The following SRGAP3 variants were observed in gnomAD, a reference collection of about 807,000 sequenced individuals.
SRGAP3 encodes the protein SLIT-ROBO Rho GTPase activating protein 3.
A neutral mutation model predicts 121.1 loss-of-function variants in SRGAP3; 39 were observed. That is an observed-to-expected ratio of 0.32 (90% confidence interval 0.25 to 0.42). SRGAP3 has a LOEUF of 0.42. SRGAP3 is among the 10% of genes least tolerant of loss of function. The pLI, the probability that SRGAP3 is intolerant of heterozygous loss-of-function variation, is 1.00. For missense variants in SRGAP3, 1,213 were observed against 1,470.6 expected (o/e 0.82, Z 2.86); for synonymous variants, 601 against 570.0 (o/e 1.05, Z -0.77).
At chr3:9,320,455 A>ATCTGGCTG (rs1389112619) in intron 3 of SRGAP3, among the ~76,000 whole-genome samples, 1 of 151,600 alleles carries the variant, frequency 6.6e-6, no homozygotes, top group Non-Finnish European at 1.5e-5. Context: ...TTATTCTGAG[A>ATCTGGCTG]TCTGGCTGTT....
intron 1 of SRGAP3, among the ~76,000 whole-genome samples, chr3:9,201,788 T>A (rs1165340341): frequency 6.6e-6 from 1 of 152,190 alleles, no homozygotes; most frequent in Non-Finnish European, 1.5e-5. Flanking sequence ...GGGATGTAAT[T>A]CTTAAGTTGC....
chr3:9,321,527 A>C (rs1254034844), intron 3 of SRGAP3, among the ~76,000 whole-genome samples: 2 of 151,912 alleles, frequency 1.3e-5, no homozygotes, highest in Non-Finnish European at 2.9e-5. Flanking sequence ...AATTCAGTTA[A>C]TGATGTCTGC....
At position 9,224,903 on chromosome 3, in the gene SRGAP3, C is replaced by G. The variant is rs140667389; in HGVS notation, c.67+23982G>C. ...CAATTTCAGCCTGAGAACCAAAAAG[C>G]AGAGAGACAGAGTCAAACAGCGTGG... is the stretch of plus-strand genomic sequence containing the variant. On this transcript the variant is annotated intron_variant, in intron 1 of 21. Transcript: ENST00000383836. Among the ~76,000 whole-genome samples, 17 of 152,274 alleles carry G rather than the reference C, an allele frequency of 1.1e-4. No homozygotes were observed. The South Asian group carries it at 2.9e-3, about 26-fold the overall frequency.
intron 1 of SRGAP3, among the ~76,000 whole-genome samples, chr3:9,134,860 G>A (rs755243706): frequency 2.4e-4 from 37 of 152,164 alleles, no homozygotes; most frequent in Non-Finnish European, 4.3e-4. Context: ...ACAATGTAGC[G>A]GGCTCTGGGT....
At chr3:9,228,667 C>G (rs975073805) in intron 1 of SRGAP3, among the ~76,000 whole-genome samples, 1 of 152,122 alleles carries the variant, frequency 6.6e-6, no homozygotes, top group African/African-American at 2.4e-5. Context: ...ACAGCCACAT[C>G]CTAAGTTGAT....
At position 9,350,859 on chromosome 3, in the gene SRGAP3, A is replaced by G. The variant is rs531416905; in HGVS notation, n.214+11981T>C. Reference sequence around the variant, plus strand: ...AATAGATACCATTAACTGAGAACTTATTATTTGCTACATAACAAACTACCC... The same window carrying G: ...AATAGATACCATTAACTGAGAACTTGTTATTTGCTACATAACAAACTACCC... On this transcript the variant is annotated intron_variant and non_coding_transcript_variant, in intron 1 of 3. Transcript: ENST00000490889. Among the ~76,000 whole-genome samples the G allele has an allele frequency of 7.9e-5, 12 of 152,300 alleles. No individual in the cohort carries two copies. In the South Asian group the frequency reaches 2.3e-3, roughly 29 times the overall value.
At chr3:9,354,898 T>C (rs1382654708) in intron 1 of SRGAP3, among the ~76,000 whole-genome samples, 1 of 152,198 alleles carries the variant, frequency 6.6e-6, no homozygotes, top group Non-Finnish European at 1.5e-5. Flanking sequence ...AATTTCTACA[T>C]GTAATGTTAC....
intron 1 of SRGAP3, among the ~76,000 whole-genome samples, chr3:9,128,646 A>C (rs892980948): frequency 2.0e-5 from 3 of 152,254 alleles, no homozygotes; most frequent in Non-Finnish European, 4.4e-5. Context: ...AATATATACA[A>C]GAATACTTTT....
intron 3 of SRGAP3, among the ~76,000 whole-genome samples, chr3:9,287,539 G>A (rs114932248): frequency 6.6e-6 from 1 of 152,134 alleles, no homozygotes; most frequent in Non-Finnish European, 1.5e-5. Context: ...TCACTTAGAA[G>A]TGGGAGCTAA....
At chr3:9,029,187 T>C (rs554394556) in intron 12 of SRGAP3, among the ~76,000 whole-genome samples, 31 of 152,186 alleles carry the variant, frequency 2.0e-4, no homozygotes, top group Admixed American at 7.2e-4. Flanking sequence ...CTAATAATCA[T>C]AGGTAATACA....
chr3:8,980,928 G>T lies in SRGAP3; in HGVS notation c.*4591C>A, dbSNP rs1012351090. On this transcript the variant is annotated 3_prime_UTR_variant, in exon 22 of 22. Coordinates refer to ENST00000383836, the MANE Select transcript of SRGAP3 (RefSeq NM_014850.4). ...TCACACTGCCGGGAACAAGGGCCTGGGCAGAAACCCTAGCCAGGATCTACT... is the reference window on the plus strand; with the variant it reads ...TCACACTGCCGGGAACAAGGGCCTGTGCAGAAACCCTAGCCAGGATCTACT... 4 of 233,348 alleles carry T rather than the reference G, an allele frequency of 1.7e-5. No individual in the cohort carries two copies. The highest frequency in any genetic ancestry group is 3.4e-5 in the Non-Finnish European group (4 of 117,932). The allele number at this position is 233,348 out of a possible 1,614,324, so 14.5% of individuals were successfully genotyped here.
intron 4 of SRGAP3, among the ~76,000 whole-genome samples, chr3:9,072,941 G>A (rs1332888983): frequency 6.6e-6 from 1 of 152,204 alleles, no homozygotes; most frequent in East Asian, 1.9e-4. Context: ...GATTACATCA[G>A]GAGGAAAAAA....
chr3:9,102,173 G>A (rs968124326), intron 3 of SRGAP3, among the ~76,000 whole-genome samples: 11 of 152,192 alleles, frequency 7.2e-5, no homozygotes, highest in Admixed American at 6.5e-4. Flanking sequence ...AGGGATCACT[G>A]GCAAGCTACC....
chr3:9,235,785 C>G (rs142715081), intron 1 of SRGAP3: 9 of 152,086 alleles, frequency 5.9e-5, no homozygotes, highest in African/African-American at 1.9e-4. Context: ...ATTACAAGCA[C>G]GAGCCACCGC....
intron 1 of SRGAP3, among the ~76,000 whole-genome samples, chr3:9,342,727 T>C (rs970080683): frequency 5.9e-5 from 9 of 152,240 alleles, no homozygotes; most frequent in Non-Finnish European, 1.2e-4. Flanking sequence ...CTTGAGGGCT[T>C]TCCCTACCTG....
chr3:9,110,639 T>C (rs1024665220), intron 2 of SRGAP3, among the ~76,000 whole-genome samples: 2 of 152,254 alleles, frequency 1.3e-5, no homozygotes, highest in Non-Finnish European at 2.9e-5. Flanking sequence ...TGCCGTCCGA[T>C]CAGCGGCCCA....
At chr3:9,100,584 C>T (rs933387816) in intron 3 of SRGAP3, among the ~76,000 whole-genome samples, 7 of 152,132 alleles carry the variant, frequency 4.6e-5, no homozygotes, top group Non-Finnish European at 7.3e-5. Context: ...CAGAATCTAA[C>T]AAAATGAAGT....
intron 1 of SRGAP3, among the ~76,000 whole-genome samples, chr3:9,180,381 T>C (rs1452158744): frequency 6.6e-6 from 1 of 152,120 alleles, no homozygotes; most frequent in African/African-American, 2.4e-5. Context: ...GAAGTGAGGC[T>C]AGGAGGAAGT....
At chr3:9,156,270 C>T (rs1161028050) in intron 1 of SRGAP3, among the ~76,000 whole-genome samples, 9 of 152,166 alleles carry the variant, frequency 5.9e-5, no homozygotes. Context: ...CAGGGTCTTG[C>T]TCTGTTGAAT....
Sources: allele counts gnomAD v4.1 joint callset (sites outside exome capture counted in the v4.1 genomes callset), GRCh38; gene constraint gnomAD v4.1.1; transcripts MANE v1.5; gene names NCBI Gene and HGNC (gene_info 2026-07-23, HGNC 2026-07-21).